The following CCDC85A variants were observed in gnomAD, a reference collection of about 807,000 sequenced individuals.
CCDC85A encodes the protein coiled-coil domain-containing protein 85A.
A neutral mutation model predicts 50.2 loss-of-function variants in CCDC85A; 38 were observed. The ratio of observed to expected loss-of-function variants is 0.76; its 90% CI spans 0.58 to 0.99. CCDC85A has a LOEUF of 0.99. CCDC85A is among the 50% of genes least tolerant of loss of function. The pLI is 0.00. For synonymous variants in CCDC85A, 366 were observed against 301.4 expected (o/e 1.21, Z -2.22); for missense variants, 820 against 742.0 (o/e 1.11, Z -1.22).
At chr2:56,308,380 A>AT (rs1672539056) in intron 2 of CCDC85A, among the ~76,000 whole-genome samples, 2 of 152,170 alleles carry the variant, frequency 1.3e-5, no homozygotes, top group African/African-American at 4.8e-5. Flanking sequence ...TTCAGTGTAC[A>AT]TTTGAGGGAG....
intron 3 of CCDC85A, among the ~76,000 whole-genome samples, chr2:56,362,677 G>C (rs933818600): frequency 6.6e-6 from 1 of 152,024 alleles, no homozygotes; most frequent in Non-Finnish European, 1.5e-5. Context: ...GGAGTGCAGT[G>C]GTGTGATCTC....
intron 3 of CCDC85A, among the ~76,000 whole-genome samples, chr2:56,361,934 G>T (rs935633230): frequency 6.6e-6 from 1 of 152,198 alleles, no homozygotes; most frequent in Non-Finnish European, 1.5e-5. Context: ...AGCTAGCTTG[G>T]TAGTCTAAGA....
chr2:56,352,608 A>G (rs1029661076), intron 3 of CCDC85A, among the ~76,000 whole-genome samples: 1 of 152,210 alleles, frequency 6.6e-6, no homozygotes, highest in Non-Finnish European at 1.5e-5. Context: ...GGCCTCCCAA[A>G]GTGCTGGGAT....
At chr2:56,350,899 T>A (rs1674894864) in intron 3 of CCDC85A, among the ~76,000 whole-genome samples, 2 of 150,170 alleles carry the variant, frequency 1.3e-5, no homozygotes, top group East Asian at 2.0e-4. Flanking sequence ...ATGTGCACAA[T>A]GTGCAGGTTA....
intron 2 of CCDC85A, among the ~76,000 whole-genome samples, chr2:56,257,268 C>T (rs763996336): frequency 6.6e-6 from 1 of 152,046 alleles, no homozygotes; most frequent in Non-Finnish European, 1.5e-5. Flanking sequence ...TAATGCAGTC[C>T]AGAATGTGAT....
chr2:56,246,196 T>C (rs1375655098), intron 2 of CCDC85A, among the ~76,000 whole-genome samples: 1 of 152,158 alleles, frequency 6.6e-6, no homozygotes, highest in Admixed American at 6.5e-5. Context: ...AGTGCTGGGA[T>C]TATAGGAGTG....
chr2:56,372,416 C>G lies in CCDC85A; in HGVS notation c.1390C>G (p.Arg464Gly). The change falls in exon 4 of 6, where the codon CGG (arginine) becomes GGG (glycine). Residue 464 changes from arginine (R) to glycine (G), a missense_variant. Coordinates refer to ENST00000407595, the MANE Select transcript of CCDC85A (RefSeq NM_001080433.2). ...NMEKGWGSRA[R>G]RVLQWWQGCR... is the part of the protein sequence containing the mutation. Reference sequence around the variant, plus strand: ...GGAGAAAGGCTGGGGGTCCAGAGCCCGGCGGGTCTTGCAGTGGTGGCAAGG... The same window carrying G: ...GGAGAAAGGCTGGGGGTCCAGAGCCGGGCGGGTCTTGCAGTGGTGGCAAGG... 2 of 1,607,346 alleles carry G rather than the reference C, an allele frequency of 1.2e-6. No individual in the cohort carries two copies. The highest frequency in any genetic ancestry group is 1.7e-6 in the Non-Finnish European group (2 of 1,176,870).
At chr2:56,381,597 T>C (rs189754423) in intron 5 of CCDC85A, among the ~76,000 whole-genome samples, 1 of 152,122 alleles carries the variant, frequency 6.6e-6, no homozygotes, top group East Asian at 1.9e-4. Flanking sequence ...TATTTTCTAA[T>C]GAATAGTGAA....
intron 3 of CCDC85A, among the ~76,000 whole-genome samples, chr2:56,344,937 AAAAG>A (rs1674561972): frequency 6.6e-6 from 1 of 152,142 alleles, no homozygotes; most frequent in African/African-American, 2.4e-5. Context: ...ATCAAAAAAA[AAAAG>A]AGGCACAACA....
intron 5 of CCDC85A, among the ~76,000 whole-genome samples, chr2:56,378,047 C>T (rs1474737313): frequency 6.6e-6 from 1 of 152,086 alleles, no homozygotes; most frequent in East Asian, 1.9e-4. Context: ...TTTTTACTTC[C>T]ATGAGTTAAC....
chr2:56,356,168 G>A (rs897011400), intron 3 of CCDC85A, among the ~76,000 whole-genome samples: 4 of 152,240 alleles, frequency 2.6e-5, no homozygotes, highest in Non-Finnish European at 5.9e-5. Flanking sequence ...ACTAAATTGT[G>A]TGGGAATGAT....
chr2:56,285,123 A>G (rs1170706512), intron 2 of CCDC85A, among the ~76,000 whole-genome samples: 1 of 148,028 alleles, frequency 6.8e-6, no homozygotes, highest in Non-Finnish European at 1.5e-5. Flanking sequence ...TCTCTTTTAC[A>G]TGGAGTCTCA....
chr2:56,289,786 T>C (rs1305400341), intron 2 of CCDC85A, among the ~76,000 whole-genome samples: 1 of 152,198 alleles, frequency 6.6e-6, no homozygotes, highest in African/African-American at 2.4e-5. Flanking sequence ...CTTAATTTAA[T>C]GGTTTTATTA....
At chr2:56,315,127 T>C (rs1672863618) in intron 2 of CCDC85A, among the ~76,000 whole-genome samples, 1 of 152,210 alleles carries the variant, frequency 6.6e-6, no homozygotes, top group Non-Finnish European at 1.5e-5. Flanking sequence ...GAATGTGTTT[T>C]CCTCTTTCAA....
At position 56,184,415 on chromosome 2, in the gene CCDC85A, C is replaced by G. The variant is rs931429467; in HGVS notation, c.-210C>G. 3.7e-6 allele frequency: 2 copies of G among 541,728 alleles called. No homozygotes were observed. Among genetic ancestry groups the G allele is most frequent in the Non-Finnish European group, 5.4e-6 (2 of 372,960 alleles). 33.6% of individuals were successfully genotyped at this position (541,728 alleles called of 1,614,324 possible). On this transcript the variant is annotated 5_prime_UTR_variant, in exon 1 of 6. Coordinates refer to ENST00000407595, the MANE Select transcript of CCDC85A (RefSeq NM_001080433.2). Reference sequence around the variant, plus strand: ...AGCAGCAAGCGGCTGGCTGCCGGGCCCTGGGGGAGCGCGGGCGCGCGCGCG... The same window carrying G: ...AGCAGCAAGCGGCTGGCTGCCGGGCGCTGGGGGAGCGCGGGCGCGCGCGCG...
chr2:56,200,239 A>C (rs766657417), intron 2 of CCDC85A, among the ~76,000 whole-genome samples: 1 of 152,184 alleles, frequency 6.6e-6, no homozygotes. Flanking sequence ...TATCAACTCA[A>C]ATATTTGCTT....
chr2:56,214,067 A>G lies in CCDC85A; in HGVS notation c.1240+20627A>G, dbSNP rs77438469. Among the ~76,000 whole-genome samples the G allele has an allele frequency of 7.2e-4, 109 of 152,064 alleles. 1 individual carries two copies. The highest frequency in any genetic ancestry group is 1.3e-3 in the Non-Finnish European group (85 of 67,950). On this transcript the variant is annotated intron_variant, in intron 2 of 5. Coordinates refer to ENST00000407595, the MANE Select transcript of CCDC85A (RefSeq NM_001080433.2). Reference sequence around the variant, plus strand: ...GGTGGTGATCTTGAACATTTTACTGAGACAAGACTACACGGATAAGTACAG... The same window carrying G: ...GGTGGTGATCTTGAACATTTTACTGGGACAAGACTACACGGATAAGTACAG...
At chr2:56,214,976 A>C (rs540469671) in intron 2 of CCDC85A, among the ~76,000 whole-genome samples, 1 of 151,968 alleles carries the variant, frequency 6.6e-6, no homozygotes, top group South Asian at 2.1e-4. Context: ...TTGATACTTT[A>C]ACAGTATTGA....
At chr2:56,274,857 A>C (rs1670856885) in intron 2 of CCDC85A, among the ~76,000 whole-genome samples, 1 of 152,182 alleles carries the variant, frequency 6.6e-6, no homozygotes, top group Non-Finnish European at 1.5e-5. Flanking sequence ...TAGCAAGGTC[A>C]GTGTCTAGTG....
Sources: gnomAD v4.1 joint callset for allele counts (sites outside exome capture counted in the v4.1 genomes callset) on GRCh38, gnomAD v4.1.1 for gene constraint, MANE v1.5 for transcripts, NCBI Gene and HGNC (gene_info 2026-07-23, HGNC 2026-07-21) for gene names.